The following WDR37 variants were observed in gnomAD, a reference collection of about 807,000 sequenced individuals.
The protein encoded by WDR37 is WD repeat domain 37, also known as WD repeat-containing protein 37.
In WDR37, 19 loss-of-function variants were observed where a neutral mutation model predicts 62.9. The ratio of observed to expected loss-of-function variants is 0.30; its 90% CI spans 0.21 to 0.44. The LOEUF is 0.44. Ranked by LOEUF, WDR37 falls within the 20% of genes least tolerant of loss-of-function variation. WDR37 has a pLI of 1.00. For synonymous variants in WDR37, 250 were observed against 260.9 expected (o/e 0.96, Z 0.40); for missense variants, 474 against 657.6 (o/e 0.72, Z 3.05).
intron 9 of WDR37, among the ~76,000 whole-genome samples, chr10:1,102,718 AG>A (rs780554467): frequency 2.6e-5 from 4 of 152,164 alleles, no homozygotes; most frequent in Non-Finnish European, 5.9e-5. Context: ...CCTCCAACAC[AG>A]GGGATTCCAG....
At chr10:1,108,098 A>G (rs1434851908) in intron 11 of WDR37, among the ~76,000 whole-genome samples, 13 of 152,264 alleles carry the variant, frequency 8.5e-5, no homozygotes, top group Admixed American at 8.5e-4. Flanking sequence ...TTTTCTAAGA[A>G]TAAGGATGTT....
At chr10:1,104,710 G>C (rs560234850) in intron 10 of WDR37, among the ~76,000 whole-genome samples, 9 of 152,352 alleles carry the variant, frequency 5.9e-5, no homozygotes, top group African/African-American at 2.2e-4. Context: ...GATGCTGCCT[G>C]CTGAAGTTGC....
chr10:1,061,016 G>A (rs971983789), intron 1 of WDR37, among the ~76,000 whole-genome samples: 3 of 152,118 alleles, frequency 2.0e-5, no homozygotes, highest in African/African-American at 4.8e-5. Context: ...ATCACGTAAC[G>A]ATGCATCTCT....
At chr10:1,127,353 A>T (rs1835821291) in intron 13 of WDR37, among the ~76,000 whole-genome samples, 1 of 152,196 alleles carries the variant, frequency 6.6e-6, no homozygotes, top group African/African-American at 2.4e-5. Flanking sequence ...TGTGAAATAG[A>T]TTTATTTTTA....
At chr10:1,072,373 G>C in intron 2 of WDR37, 80 bp downstream of exon 2, 1 of 1,562,032 alleles carries the variant, frequency 6.4e-7, no homozygotes, top group South Asian at 1.2e-5. Flanking sequence ...GCTGGAGTGC[G>C]ATGGTGCGAT....
intron 7 of WDR37, among the ~76,000 whole-genome samples, chr10:1,088,473 C>T (rs769788898): frequency 5.9e-5 from 9 of 152,018 alleles, no homozygotes; most frequent in South Asian, 2.1e-4. Context: ...TGTTTTGTCT[C>T]GGAGTAGAGA....
At position 1,124,234 on chromosome 10, in the gene WDR37, G is replaced by A. The variant is rs760624189; in HGVS notation, c.1120G>A (p.Val374Met). 1.3e-5 allele frequency: 21 copies of A among 1,614,162 alleles called. No individual in the cohort carries two copies. The highest frequency in any genetic ancestry group is 2.7e-5 in the African/African-American group (2 of 75,020). ...QGHTDTVTSA[V>M]FTVGDNVVSG... is the part of the protein sequence containing the mutation. The stretch of plus-strand genomic sequence containing the variant: ...TGTTCATAGCACTGTGACTTCTGCC[G>A]TGTTCACCGTGGGAGACAACGTGGT... Residue 374 changes from valine to methionine, a missense_variant, in exon 12 of 14, where the codon GTG becomes ATG. Val to Met is a conservative substitution (Grantham distance 21). Coordinates refer to ENST00000263150, the MANE Select transcript of WDR37 (RefSeq NM_014023.4).
At chr10:1,080,234 G>T in intron 4 of WDR37, 128 bp downstream of exon 4, 1 of 1,268,606 alleles carries the variant, frequency 7.9e-7, no homozygotes, top group Non-Finnish European at 1.1e-6. Context: ...TTCAGGTGTG[G>T]GTCTAGGAGA....
chr10:1,075,378 C>T (rs1833846332), intron 2 of WDR37, among the ~76,000 whole-genome samples: 1 of 151,758 alleles, frequency 6.6e-6, no homozygotes, highest in Non-Finnish European at 1.5e-5. Flanking sequence ...GTTTGCTGCA[C>T]CCATCAACCT....
At chr10:1,096,681 A>G in intron 9 of WDR37, 1 of 183,210 alleles carries the variant, frequency 5.5e-6, no homozygotes. Context: ...ACTGAGACAG[A>G]TTTCAGTACC....
intron 11 of WDR37, among the ~76,000 whole-genome samples, chr10:1,119,065 G>A (rs546330446): frequency 5.3e-5 from 8 of 152,202 alleles, no homozygotes; most frequent in East Asian, 3.8e-4. Context: ...GTGCATCGGC[G>A]TTAGGAATTT....
intron 11 of WDR37, among the ~76,000 whole-genome samples, chr10:1,106,390 TGAAAG>T (rs1227377340): frequency 1.3e-5 from 2 of 152,200 alleles, no homozygotes; most frequent in Non-Finnish European, 2.9e-5. Context: ...CAGTGTGCAT[TGAAAG>T]GTTTATAAAT....
Position 1,105,115 on chromosome 10 carries a change from CT to C in WDR37, c.962-9del. 6.2e-7 allele frequency: 1 copy of C among 1,613,706 alleles called. No homozygotes were observed. The highest frequency in any genetic ancestry group is 1.7e-5 in the Admixed American group (1 of 60,010). On this transcript the variant is annotated splice_polypyrimidine_tract_variant and intron_variant, in intron 10 of 13. Transcript: ENST00000263150. This position sits in a 1 kb window ranked among gnomAD's most constrained non-coding sequence, Gnocchi z 5.3. ...AGGTGATGACCTTGTGTTTTGCCAT[CT>C]TGGTTACAGGGCACGACCAGGAGTT...
At chr10:1,112,840 T>A (rs1251563385) in intron 11 of WDR37, among the ~76,000 whole-genome samples, 4 of 151,796 alleles carry the variant, frequency 2.6e-5, no homozygotes, top group Non-Finnish European at 5.9e-5. Flanking sequence ...CTGGCAGAGG[T>A]TGGTTTATGA....
intron 5 of WDR37, among the ~76,000 whole-genome samples, chr10:1,081,164 A>G (rs898659672): frequency 6.6e-6 from 1 of 152,202 alleles, no homozygotes; most frequent in Non-Finnish European, 1.5e-5. Flanking sequence ...CCTAAGTGTG[A>G]TCAGGAAGTG....
At chr10:1,076,700 C>T (rs955277990) in intron 2 of WDR37, among the ~76,000 whole-genome samples, 4 of 137,472 alleles carry the variant, frequency 2.9e-5, no homozygotes, top group Middle Eastern at 5.9e-3. Flanking sequence ...AAAAAGTTTA[C>T]GACTCATCAG....
At chr10:1,082,703 T>C (rs891074402) in intron 5 of WDR37, among the ~76,000 whole-genome samples, 8 of 151,946 alleles carry the variant, frequency 5.3e-5, no homozygotes, top group African/African-American at 2.4e-5. Context: ...CAAAGTGCAG[T>C]GGGCATTTTG....
intron 1 of WDR37, among the ~76,000 whole-genome samples, chr10:1,059,580 T>C (rs903253769): frequency 5.9e-5 from 9 of 152,038 alleles, no homozygotes; most frequent in African/African-American, 1.9e-4. Context: ...AGGTGAATCA[T>C]GAGGTCAGGA....
At chr10:1,094,579 G>A (rs1346800644) in intron 8 of WDR37, among the ~76,000 whole-genome samples, 1 of 152,206 alleles carries the variant, frequency 6.6e-6, no homozygotes, top group African/African-American at 2.4e-5. Flanking sequence ...CAGACAAGGA[G>A]TTTACACCTT....
Sources: allele counts gnomAD v4.1 joint callset (sites outside exome capture counted in the v4.1 genomes callset), GRCh38; gene constraint gnomAD v4.1.1; non-coding constraint Gnocchi (gnomAD v3.1); transcripts MANE v1.5; gene names NCBI Gene and HGNC (gene_info 2026-07-23, HGNC 2026-07-21).